Variants in KCNQ1 observed in about 807,000 individuals in gnomAD.
KCNQ1 encodes the protein potassium voltage-gated channel subfamily Q member 1, also known as potassium voltage-gated channel subfamily KQT member 1.
KCNQ1 carries 49 observed loss-of-function variants against 72.4 expected under a neutral mutation model. That is an observed-to-expected ratio of 0.68 (90% CI 0.54 to 0.86). The LOEUF (loss-of-function observed/expected upper bound fraction) is 0.86. Among genes scored for constraint, KCNQ1 ranks in the 40% least tolerant of loss-of-function variants. KCNQ1 has a pLI of 0.00. For synonymous variants in KCNQ1, 450 were observed against 412.6 expected (o/e 1.09, Z -1.10); for missense variants, 790 against 945.1 (o/e 0.84, Z 2.15).
In KCNQ1 at chr11:2,464,340, T is replaced by A. The variant is rs1333283128; in HGVS notation, c.386+18856T>A. On this transcript the variant is annotated intron_variant, in intron 1 of 15. Transcript: ENST00000155840. This position sits in a 1 kb window ranked among gnomAD's most constrained non-coding sequence, Gnocchi z 5.0. ...TTTCTAATTAAAAATATATTGCTTT[T>A]TAAAAATAATAAAAGATCATTTAAA... Among the ~76,000 whole-genome samples the A allele has an allele frequency of 6.6e-6, 1 of 152,204 alleles. No homozygotes were observed. The highest frequency in any genetic ancestry group is 2.4e-5 in the African/African-American group (1 of 41,450).
intron 2 of KCNQ1, among the ~76,000 whole-genome samples, chr11:2,568,056 G>A (rs527947083): frequency 6.6e-6 from 1 of 152,216 alleles, no homozygotes; most frequent in African/African-American, 2.4e-5. Context: ...ATCACCTAAG[G>A]TCAGGAGTTC....
At position 2,479,336 on chromosome 11, in the gene KCNQ1, G is replaced by T. The variant is rs891240849; in HGVS notation, c.386+33852G>T. ...CACTGCCCTAGCAGAGGTTCTCCAT[G>T]AGGACCCCACCCCTGCAGCAAACTT... On this transcript the variant is annotated intron_variant, in intron 1 of 15. Transcript: ENST00000155840. The surrounding 1 kb of genome is among the most constrained non-coding windows in gnomAD (Gnocchi z 4.6). Among the ~76,000 whole-genome samples, 8 of 152,324 alleles carry T rather than the reference G, an allele frequency of 5.3e-5. No individual in the cohort carries two copies. The highest frequency in any genetic ancestry group is 3.3e-4 in the Admixed American group (5 of 15,304).
At chr11:2,743,009 G>T (rs1232955041) in intron 11 of KCNQ1, among the ~76,000 whole-genome samples, 3 of 152,226 alleles carry the variant, frequency 2.0e-5, no homozygotes, top group Non-Finnish European at 1.5e-5. Context: ...CAGGAGAGCA[G>T]CTTTTTTGCC....
At chr11:2,534,736 C>A (rs1379830703) in intron 2 of KCNQ1, among the ~76,000 whole-genome samples, 1 of 152,240 alleles carries the variant, frequency 6.6e-6, no homozygotes, top group Non-Finnish European at 1.5e-5. Flanking sequence ...TAAGACCGGT[C>A]CCCACCACCC....
At chr11:2,770,142 G>C (rs997980225) in intron 12 of KCNQ1, among the ~76,000 whole-genome samples, 1 of 152,138 alleles carries the variant, frequency 6.6e-6, no homozygotes, top group South Asian at 2.1e-4. Context: ...TTTCACACCA[G>C]GCCACACCTT....
intron 10 of KCNQ1, chr11:2,609,230 T>C: frequency 2.5e-6 from 1 of 398,306 alleles, no homozygotes; most frequent in East Asian, 3.6e-5. Flanking sequence ...TATCTTCATT[T>C]TCATTAATCT....
intron 10 of KCNQ1, chr11:2,655,758 G>A (rs940161668): frequency 2.6e-6 from 1 of 387,614 alleles, no homozygotes; most frequent in Admixed American, 4.6e-5. Flanking sequence ...GGGAAGAGGT[G>A]GCAGCTCTGG....
chr11:2,466,812 C>T (rs1405596286), intron 1 of KCNQ1, among the ~76,000 whole-genome samples: 1 of 152,152 alleles, frequency 6.6e-6, no homozygotes, highest in East Asian at 1.9e-4. Flanking sequence ...TATCTGGAAA[C>T]AGGGATCATA....
At position 2,445,081 on chromosome 11, in the gene KCNQ1, C is replaced by T. The variant is rs1589884134; in HGVS notation, c.-18C>T. On this transcript the variant is annotated 5_prime_UTR_variant, in exon 1 of 16. Transcript: ENST00000155840. ...GGTGCCGCCGCTCGGGCCGGCCCCCCGGCAGGCCCTCCTCGTTATGGCCGC... is the reference window on the plus strand; with the variant it reads ...GGTGCCGCCGCTCGGGCCGGCCCCCTGGCAGGCCCTCCTCGTTATGGCCGC... 3 of 1,067,700 alleles carry T rather than the reference C, an allele frequency of 2.8e-6. No homozygotes were observed. The highest frequency in any genetic ancestry group is 8.5e-5 in the South Asian group (2 of 23,516). 66.1% of individuals were successfully genotyped at this position (1,067,700 alleles called of 1,614,324 possible).
chr11:2,499,790 C>G lies in KCNQ1; in HGVS notation c.387-28138C>G, dbSNP rs143916629. ...ATAACAATTTCAAAGAAACATCTAA[C>G]TTAATCTGCACTGTAGACCAAATAT... On this transcript the variant is annotated intron_variant, in intron 1 of 15. Transcript: ENST00000155840. Among the ~76,000 whole-genome samples the G allele has an allele frequency of 2.6e-5, 4 of 152,228 alleles. No homozygotes were observed. In the East Asian group the frequency reaches 7.7e-4, roughly 29 times the overall value.
chr11:2,461,780 T>C, intron 1 of KCNQ1: 1 of 1,305,568 alleles, frequency 7.7e-7, no homozygotes, highest in Admixed American at 2.1e-5. Context: ...GGGGCTGAAT[T>C]GTGGTCAGTT....
Position 2,446,238 on chromosome 11 carries a change from C to T in KCNQ1, c.386+754C>T, listed in dbSNP as rs1846035018. On this transcript the variant is annotated intron_variant, in intron 1 of 15. Coordinates refer to ENST00000155840, the MANE Select transcript of KCNQ1 (RefSeq NM_000218.3). This position sits in a 1 kb window ranked among gnomAD's most constrained non-coding sequence, Gnocchi z 8.8. Reference sequence around the variant, plus strand: ...GGGCACTGGATTTCTCAGGGACAGGCCTGGGAAGTCACCTCCGGGAAGGTC... The same window carrying T: ...GGGCACTGGATTTCTCAGGGACAGGTCTGGGAAGTCACCTCCGGGAAGGTC... Among the ~76,000 whole-genome samples the T allele has an allele frequency of 6.6e-6, 1 of 152,090 alleles. No individual in the cohort carries two copies. Among genetic ancestry groups the T allele is most frequent in the Admixed American group, 6.5e-5 (1 of 15,278 alleles).
intron 10 of KCNQ1, chr11:2,644,308 A>G (rs1849631141): frequency 2.5e-6 from 1 of 398,224 alleles, no homozygotes; most frequent in Non-Finnish European, 4.4e-6. Flanking sequence ...GAGTCATTTC[A>G]AAAGACTTAT....
intron 15 of KCNQ1, among the ~76,000 whole-genome samples, chr11:2,843,395 G>A (rs928185733): frequency 6.6e-6 from 1 of 152,248 alleles, no homozygotes; most frequent in Admixed American, 6.5e-5. Flanking sequence ...ACAGACAGGA[G>A]GAAGGCCAAG....
At chr11:2,819,978 G>A (rs1262480961) in intron 15 of KCNQ1, among the ~76,000 whole-genome samples, 2 of 152,026 alleles carry the variant, frequency 1.3e-5, no homozygotes, top group African/African-American at 4.8e-5. Flanking sequence ...ATTCTTATTT[G>A]TTACTTTACT....
intron 7 of KCNQ1, among the ~76,000 whole-genome samples, chr11:2,584,489 G>GT (rs1416315494): frequency 6.6e-6 from 1 of 150,512 alleles, no homozygotes; most frequent in African/African-American, 2.4e-5. Flanking sequence ...GTTAGTGTGT[G>GT]TTAGTATGTG....
intron 15 of KCNQ1, among the ~76,000 whole-genome samples, chr11:2,843,028 G>T (rs533257296): frequency 6.6e-6 from 1 of 152,250 alleles, no homozygotes; most frequent in Non-Finnish European, 1.5e-5. Context: ...GCACGCTCCC[G>T]TGAGGAGGTG....
Position 2,679,595 on chromosome 11 carries a change from G to C in KCNQ1, c.1514+17514G>C. 1 of 398,614 alleles carries C rather than the reference G, an allele frequency of 2.5e-6. No individual in the cohort carries two copies. Among genetic ancestry groups the C allele is most frequent in the Non-Finnish European group, 4.4e-6 (1 of 226,068 alleles). The allele number at this position is 398,614 out of a possible 1,614,324, so 24.7% of individuals were successfully genotyped here. A position where few individuals can be genotyped will look rare whatever the true frequency, so the allele number is the denominator to read the frequency against. On this transcript the variant is annotated intron_variant, in intron 11 of 15. Coordinates refer to ENST00000155840, the MANE Select transcript of KCNQ1 (RefSeq NM_000218.3). The surrounding 1 kb of genome is among the most constrained non-coding windows in gnomAD (Gnocchi z 4.8). ...ATTCACAGTGCCTGACAAAGCTGATGGGGAGGCGAGTTGGAATGAATAGTA... is the reference window on the plus strand; with the variant it reads ...ATTCACAGTGCCTGACAAAGCTGATCGGGAGGCGAGTTGGAATGAATAGTA...
rs1399288158 is a variant in KCNQ1, at chr11:2,498,492, A to T, written c.387-29436A>T. ...CAGCCTCCTTAGCACTATCAGGGGA[A>T]AACCGCCTACTAAAGCCTCAGTAAT... On this transcript the variant is annotated intron_variant, in intron 1 of 15. Coordinates refer to ENST00000155840, the MANE Select transcript of KCNQ1 (RefSeq NM_000218.3). This position sits in a 1 kb window ranked among gnomAD's most constrained non-coding sequence, Gnocchi z 4.8. Among the ~76,000 whole-genome samples, 1 of 152,186 alleles carries T rather than the reference A, an allele frequency of 6.6e-6. No individual in the cohort carries two copies. The highest frequency in any genetic ancestry group is 1.5e-5 in the Non-Finnish European group (1 of 68,028).
Sources: allele counts gnomAD v4.1 joint callset (sites outside exome capture counted in the v4.1 genomes callset), GRCh38; gene constraint gnomAD v4.1.1; non-coding constraint Gnocchi (gnomAD v3.1); transcripts MANE v1.5; gene names NCBI Gene and HGNC (gene_info 2026-07-23, HGNC 2026-07-21).